Variants in ATAD3A observed in about 807,000 individuals in gnomAD.
ATAD3A encodes ATPase family AAA domain-containing protein 3A.
In ATAD3A, 46 loss-of-function variants were observed where a neutral mutation model predicts 73.8. The ratio of observed to expected loss-of-function variants is 0.62; its 90% confidence interval spans 0.49 to 0.80. The LOEUF (loss-of-function observed/expected upper bound fraction) is 0.80. Ranked by LOEUF, ATAD3A falls within the 30% of genes least tolerant of loss-of-function variation. The pLI is 0.00. For missense variants in ATAD3A, 705 were observed against 838.0 expected, an observed-to-expected ratio of 0.84 and a Z score of 1.96; for synonymous variants, 319 against 350.0, an observed-to-expected ratio of 0.91 and a Z score of 0.99.
rs559898799 is a variant in ATAD3A, at chr1:1,525,172, G to A, written c.1215-68G>A. On this transcript the variant is annotated intron_variant, in intron 11 of 15. Transcript: ENST00000378756. Reference sequence around the variant, plus strand: ...TGCCTGCTTGGCCTGCTCCTGCCGCGGCCGGACGCTGCTGTGGGCTGCTCC... The same window carrying A: ...TGCCTGCTTGGCCTGCTCCTGCCGCAGCCGGACGCTGCTGTGGGCTGCTCC... 115 of 1,606,318 alleles carry A rather than the reference G, an allele frequency of 7.2e-5. No homozygotes were observed. The East Asian group carries it at 8.3e-4, about 12-fold the overall frequency.
Position 1,527,375 on chromosome 1 carries a change from G to A in ATAD3A, c.1338-320G>A, listed in dbSNP as rs1450185543. On this transcript the variant is annotated intron_variant, in intron 13 of 15. Transcript: ENST00000378756. The stretch of plus-strand genomic sequence containing the variant: ...TCCTGGCACGTGTGGGCGACTTCTC[G>A]ACATGGACTCCGGGTCCCGAATCCC... The A allele has an allele frequency of 4.9e-5, 53 of 1,078,308 alleles. 1 individual carries two copies. The East Asian group carries it at 2.2e-3, about 45-fold the overall frequency. The allele number at this position is 1,078,308 out of a possible 1,614,324, so 66.8% of individuals were successfully genotyped here.
At chr1:1,522,485 G>C (rs964976782) in intron 7 of ATAD3A, among the ~76,000 whole-genome samples, 1 of 152,230 alleles carries the variant, frequency 6.6e-6, no homozygotes, top group African/African-American at 2.4e-5. Flanking sequence ...CCCGCTCAGC[G>C]ACCGAGGCTT....
chr1:1,514,950 C>T (rs575648725), intron 1 of ATAD3A, among the ~76,000 whole-genome samples: 2 of 152,252 alleles, frequency 1.3e-5, no homozygotes, highest in South Asian at 2.1e-4. Context: ...CTCGGTTCAT[C>T]GCAACATCCA....
rs1466035495 is a variant in ATAD3A, at chr1:1,523,736, T to C, written c.964-103T>C. 1 of 1,591,668 alleles carries C rather than the reference T, an allele frequency of 6.3e-7. No homozygotes were observed. The highest frequency in any genetic ancestry group is 1.7e-5 in the Admixed American group (1 of 58,018). On this transcript the variant is annotated intron_variant, in intron 9 of 15. Transcript: ENST00000378756. The surrounding 1 kb of genome is among the most constrained non-coding windows in gnomAD (Gnocchi z 5.1). ...ATAGGCTGCCCCTGAGGTGGGAGGC[T>C]TCCCGAGGAGCCGAGTCTGCACCCA...
chr1:1,528,106 C>T (rs1167199019), intron 14 of ATAD3A, among the ~76,000 whole-genome samples: 1 of 151,940 alleles, frequency 6.6e-6, no homozygotes, highest in Non-Finnish European at 1.5e-5. Flanking sequence ...ATTACAGGCG[C>T]CCACCACCAT....
In ATAD3A at chr1:1,520,387, C is replaced by G. The variant is rs932545473; in HGVS notation, c.680+81C>G. 6.3e-7 allele frequency: 1 copy of G among 1,593,384 alleles called. No homozygotes were observed. Among genetic ancestry groups the G allele is most frequent in the African/African-American group, 1.3e-5 (1 of 74,524 alleles). On this transcript the variant is annotated intron_variant, in intron 6 of 15. Transcript: ENST00000378756. The surrounding 1 kb of genome is among the most constrained non-coding windows in gnomAD (Gnocchi z 4.0). ...GCTGGTCCCAGGGCGCTCTCCAGCT[C>G]TTCCAGGCCTTGCCGCCGTAGGCTG...
rs1641701184 is a variant in ATAD3A at position 1,523,882 on chromosome 1, GGAACACCAAGAA to G, written c.1012_1023del (p.Thr338_Asn341del). On this transcript the variant is annotated inframe_deletion, in exon 10 of 16. Transcript: ENST00000378756. This position sits in a 1 kb window ranked among gnomAD's most constrained non-coding sequence, Gnocchi z 5.1. ...GTGCGCGACATCGCCATAGCAACAAGGAACACCAAGAAGAACCGCAGCCTGTACAGGAACATC... is the reference window on the plus strand; with the variant it reads ...GTGCGCGACATCGCCATAGCAACAAGGAACCGCAGCCTGTACAGGAACATC... The G allele has an allele frequency of 6.2e-7, 1 of 1,613,928 alleles. No individual in the cohort carries two copies. The highest frequency in any genetic ancestry group is 1.3e-5 in the African/African-American group (1 of 74,932).
At chr1:1,518,069 G>GCA (rs897445064) in intron 4 of ATAD3A, among the ~76,000 whole-genome samples, 4 of 150,678 alleles carry the variant, frequency 2.7e-5, no homozygotes, top group Admixed American at 2.6e-4. Flanking sequence ...GCACACACGG[G>GCA]CACACACACA....
chr1:1,527,618 G>A, intron 13 of ATAD3A, 77 bp from the exon 14 acceptor site: 6 of 1,511,530 alleles, frequency 4.0e-6, no homozygotes, highest in Non-Finnish European at 5.3e-6. Flanking sequence ...TCCCTGTGGG[G>A]GCTGAGGAGG....
chr1:1,526,850 G>A (rs867365356), intron 13 of ATAD3A, among the ~76,000 whole-genome samples: 12 of 152,310 alleles, frequency 7.9e-5, no homozygotes, highest in Non-Finnish European at 1.2e-4. Flanking sequence ...TGGTCTCATC[G>A]TGTGAGGCTC....
In ATAD3A at chr1:1,514,238, G is replaced by C. The variant is rs374617044; in HGVS notation, c.205+1765G>C. Among the ~76,000 whole-genome samples, 10 of 152,106 alleles carry C rather than the reference G, an allele frequency of 6.6e-5. No homozygotes were observed. The East Asian group carries it at 1.9e-3, about 29-fold the overall frequency. Reference sequence around the variant, plus strand: ...GAACTGTCAATGAGCCATTTTCAGGGGAGGGAGTGGCCTCAGCTTAATCCA... The same window carrying C: ...GAACTGTCAATGAGCCATTTTCAGGCGAGGGAGTGGCCTCAGCTTAATCCA... On this transcript the variant is annotated intron_variant, in intron 1 of 15. Coordinates refer to ENST00000378756, the MANE Select transcript of ATAD3A (RefSeq NM_001170535.3).
rs1641255482 is a variant in ATAD3A, at chr1:1,513,235, C to T, written c.205+762C>T. On this transcript the variant is annotated intron_variant, in intron 1 of 15. Transcript: ENST00000378756. Reference sequence around the variant, plus strand: ...CTCGGAGGACAGCGGATGTTGGTGACTGACTTTCTTGCTGCAGGCTTATTT... The same window carrying T: ...CTCGGAGGACAGCGGATGTTGGTGATTGACTTTCTTGCTGCAGGCTTATTT... 1.3e-5 allele frequency among the ~76,000 whole-genome samples: 2 copies of T among 152,240 alleles called. 1 individual carries two copies. Among genetic ancestry groups the T allele is most frequent in the South Asian group, 4.2e-4 (2 of 4,816 alleles).
rs1349010451 is a variant in ATAD3A, at chr1:1,515,923, A to G, written c.206-89A>G. The G allele has an allele frequency of 7.3e-6, 11 of 1,507,984 alleles. No individual in the cohort carries two copies. In the East Asian group the frequency reaches 2.7e-4, roughly 36 times the overall value. The allele number at this position is 1,507,984 out of a possible 1,614,324, so 93.4% of individuals were successfully genotyped here. On this transcript the variant is annotated intron_variant, in intron 1 of 15. Coordinates refer to ENST00000378756, the MANE Select transcript of ATAD3A (RefSeq NM_001170535.3). ...CTTTGAGGTCGAGGCGTGGCCGTGG[A>G]TTCCAGAAAGCCCCTTGGCTGGTGT... is the stretch of plus-strand genomic sequence containing the variant.
rs1306190125 is a variant in ATAD3A, at chr1:1,512,427, C to A, written c.159C>A (p.Thr53=). Residue 53 remains threonine, a synonymous_variant, in exon 1 of 16, where the codon ACC becomes ACA. Coordinates refer to ENST00000378756, the MANE Select transcript of ATAD3A (RefSeq NM_001170535.3). ...ACAAATGGAGCAACTTCGACCCCAC[C>A]GGCCTGGAGCGCGCCGCCAAGGCGG... ...PKDKWSNFDP[T]GLERAAKAAR... is the part of the protein sequence containing the mutation. The A allele has an allele frequency of 1.2e-4, 145 of 1,217,720 alleles. No individual in the cohort carries two copies. The highest frequency in any genetic ancestry group is 1.4e-4 in the Non-Finnish European group (135 of 973,730). 75.4% of individuals were successfully genotyped at this position (1,217,720 alleles called of 1,614,324 possible).
Position 1,534,517 on chromosome 1 carries a change from C to T in ATAD3A, c.*445C>T. The T allele has an allele frequency of 3.2e-6, 2 of 621,322 alleles. No homozygotes were observed. The highest frequency in any genetic ancestry group is 4.8e-5 in the East Asian group (1 of 20,912). The allele number at this position is 621,322 out of a possible 1,614,324, so 38.5% of individuals were successfully genotyped here. On this transcript the variant is annotated 3_prime_UTR_variant, in exon 16 of 16. Coordinates refer to ENST00000378756, the MANE Select transcript of ATAD3A (RefSeq NM_001170535.3). ...CCCAGGTGGGGCAGCCTGAACCCTGCTTCCCCCTGTGGCCGGCATGCCCCG... is the reference window on the plus strand; with the variant it reads ...CCCAGGTGGGGCAGCCTGAACCCTGTTTCCCCCTGTGGCCGGCATGCCCCG...
At chr1:1,530,879 C>G (rs574020280) in intron 15 of ATAD3A, among the ~76,000 whole-genome samples, 1 of 147,448 alleles carries the variant, frequency 6.8e-6, no homozygotes, top group Admixed American at 6.8e-5. Context: ...GGAACGAGTG[C>G]GGTGGCTCAC....
At chr1:1,529,638 C>T (rs1443519163) in intron 15 of ATAD3A, among the ~76,000 whole-genome samples, 1 of 152,228 alleles carries the variant, frequency 6.6e-6, no homozygotes, top group Non-Finnish European at 1.5e-5. Flanking sequence ...TTCTGACTCT[C>T]ACCTTGGCCA....
At chr1:1,527,276 C>G (rs1488748419) in intron 13 of ATAD3A, 1 of 1,241,874 alleles carries the variant, frequency 8.1e-7, no homozygotes, top group African/African-American at 1.6e-5. Flanking sequence ...GGAGCCCTGA[C>G]TCGGGTCCTT....
At chr1:1,527,588 T>C in intron 13 of ATAD3A, 107 bp from the exon 14 acceptor site, 2 of 1,403,858 alleles carry the variant, frequency 1.4e-6, no homozygotes, top group Non-Finnish European at 1.9e-6. Context: ...TGTCCTCGTG[T>C]TTCCCGCCAC....
Sources: gnomAD v4.1 joint callset for allele counts (sites outside exome capture counted in the v4.1 genomes callset) on GRCh38, gnomAD v4.1.1 for gene constraint, Gnocchi (gnomAD v3.1) non-coding constraint, MANE v1.5 for transcripts, NCBI Gene and HGNC (gene_info 2026-07-23, HGNC 2026-07-21) for gene names.